Variants in SEMA3A observed in about 807,000 individuals in gnomAD.
SEMA3A encodes the protein semaphorin 3A.
Under a neutral mutation model 97.9 loss-of-function variants are expected in SEMA3A, and 29 were observed. The ratio of observed to expected loss-of-function variants is 0.30; its 90% CI spans 0.22 to 0.40. The LOEUF (loss-of-function observed/expected upper bound fraction) is 0.40, where lower values mean the gene tolerates loss of function less well. Among genes scored for constraint, SEMA3A ranks in the 10% least tolerant of loss-of-function variants. The pLI is 1.00. For synonymous variants in SEMA3A, 321 were observed against 323.7 expected (o/e 0.99, Z 0.09); for missense variants, 763 against 951.3 (o/e 0.80, Z 2.60).
chr7:84,180,930 G>T (rs2116235673), intron 1 of SEMA3A, among the ~76,000 whole-genome samples: 1 of 152,072 alleles, frequency 6.6e-6, no homozygotes, highest in South Asian at 2.1e-4. Flanking sequence ...TCATTATAAT[G>T]ATTCACTTAT....
intron 3 of SEMA3A, among the ~76,000 whole-genome samples, chr7:84,114,424 T>C (rs1024858224): frequency 6.6e-6 from 1 of 152,110 alleles, no homozygotes. Flanking sequence ...CATATAACAT[T>C]GACTCAGGTC....
At chr7:84,169,311 C>T (rs895931502) in intron 1 of SEMA3A, among the ~76,000 whole-genome samples, 1 of 150,978 alleles carries the variant, frequency 6.6e-6, no homozygotes, top group African/African-American at 2.4e-5. Flanking sequence ...GAGTGAAAGC[C>T]TAAGTTAAAA....
intron 1 of SEMA3A, among the ~76,000 whole-genome samples, chr7:84,164,986 T>C (rs2116179944): frequency 6.6e-6 from 1 of 152,222 alleles, no homozygotes; most frequent in Non-Finnish European, 1.5e-5. Flanking sequence ...AGTGGGTGGA[T>C]CCCTTGAGCT....
chr7:83,999,177 A>G (rs1270134041), intron 12 of SEMA3A, among the ~76,000 whole-genome samples: 2 of 152,170 alleles, frequency 1.3e-5, no homozygotes, highest in East Asian at 3.8e-4. Flanking sequence ...ATTCTTGTCC[A>G]TAATGTTGTT....
At chr7:84,420,995 T>C (rs1804574952) in intron 1 of SEMA3A, among the ~76,000 whole-genome samples, 1 of 152,104 alleles carries the variant, frequency 6.6e-6, no homozygotes, top group Non-Finnish European at 1.5e-5. Flanking sequence ...CTCCTTCAGT[T>C]CTGCTCTGAT....
chr7:84,390,376 G>A (rs1196744320), intron 1 of SEMA3A, among the ~76,000 whole-genome samples: 1 of 132,402 alleles, frequency 7.6e-6, no homozygotes, highest in Non-Finnish European at 1.6e-5. Context: ...ATAGCAGCTG[G>A]GAACCATTGC....
chr7:84,074,976 T>C (rs7805885), intron 4 of SEMA3A, among the ~76,000 whole-genome samples: 18,232 of 152,072 alleles, frequency 0.12, 1,181 homozygotes, highest in South Asian at 0.15. Flanking sequence ...TCATGTATAA[T>C]CTCTATGATT....
intron 1 of SEMA3A, among the ~76,000 whole-genome samples, chr7:84,442,102 T>C (rs1805287302): frequency 6.6e-6 from 1 of 152,148 alleles, no homozygotes; most frequent in African/African-American, 2.4e-5. Context: ...TTATAAAATA[T>C]AGTATTGTAG....
rs61298477 is a variant in SEMA3A, at chr7:84,445,493, C to CAAAAAAAAAA, written c.-246+46957_-246+46966dup. On this transcript the variant is annotated intron_variant, in intron 1 of 3. Transcript: ENST00000424555. The stretch of plus-strand genomic sequence containing the variant: ...TGGGCGACAGAGTGAGACTCCATCT[C>CAAAAAAAAAA]AAAAAAAAAAAAAAAAAAAAAAAAA... Among the ~76,000 whole-genome samples, 90 of 27,592 alleles carry CAAAAAAAAAA rather than the reference C, an allele frequency of 3.3e-3. 2 individuals carry two copies. Among genetic ancestry groups the CAAAAAAAAAA allele is most frequent in the Non-Finnish European group, 5.0e-3 (63 of 12,686 alleles). 18.1% of individuals were successfully genotyped at this position (27,592 alleles called of 152,430 possible). A position where few individuals can be genotyped will look rare whatever the true frequency, so the allele number is the denominator to read the frequency against.
chr7:84,183,342 T>C (rs556123893), intron 1 of SEMA3A, among the ~76,000 whole-genome samples: 7 of 152,270 alleles, frequency 4.6e-5, no homozygotes, highest in African/African-American at 1.7e-4. Context: ...GTATGAAAAC[T>C]CCATTAATTT....
At chr7:84,263,574 C>A (rs552197042) in intron 3 of SEMA3A, among the ~76,000 whole-genome samples, 6 of 152,308 alleles carry the variant, frequency 3.9e-5, no homozygotes, top group African/African-American at 1.4e-4. Flanking sequence ...ATACATAAAT[C>A]ATTCGCAACA....
chr7:84,127,511 TAA>T (rs1237790203), intron 3 of SEMA3A, among the ~76,000 whole-genome samples: 1 of 152,198 alleles, frequency 6.6e-6, no homozygotes, highest in African/African-American at 2.4e-5. Flanking sequence ...TACCCCTGAA[TAA>T]AGTCTGCCTT....
At position 84,086,463 on chromosome 7, in the gene SEMA3A, T is replaced by C. The variant is rs1018294479; in HGVS notation, c.453+24007A>G. On this transcript the variant is annotated intron_variant, in intron 4 of 16. Coordinates refer to ENST00000265362, the MANE Select transcript of SEMA3A (RefSeq NM_006080.3). ...TATTTTATATATTATTATATTCATA[T>C]ATAATATGTATTATTATATTATATT... Among the ~76,000 whole-genome samples, 36 of 92,174 alleles carry C rather than the reference T, an allele frequency of 3.9e-4. 1 individual carries two copies. Among genetic ancestry groups the C allele is most frequent in the Middle Eastern group, 5.7e-3 (1 of 174 alleles). The allele number at this position is 92,174 out of a possible 152,430, so 60.5% of individuals were successfully genotyped here. A position where few individuals can be genotyped will look rare whatever the true frequency, so the allele number is the denominator to read the frequency against.
At chr7:84,008,452 C>G (rs1790753247) in intron 9 of SEMA3A, among the ~76,000 whole-genome samples, 1 of 143,106 alleles carries the variant, frequency 7.0e-6, no homozygotes. Flanking sequence ...GATCGTGCCA[C>G]TGCACTCCAG....
intron 6 of SEMA3A, among the ~76,000 whole-genome samples, chr7:84,039,822 A>G (rs186694134): frequency 1.2e-3 from 183 of 152,226 alleles, no homozygotes; most frequent in African/African-American, 4.3e-3. Context: ...TTAATAAAAA[A>G]TTGCATCCAG....
intron 3 of SEMA3A, among the ~76,000 whole-genome samples, chr7:84,202,371 AAAT>A (rs776027419): frequency 6.6e-6 from 1 of 152,200 alleles, no homozygotes; most frequent in Non-Finnish European, 1.5e-5. Context: ...TAAAAATAAT[AAAT>A]AATAATCTGA....
chr7:84,089,616 T>C (rs1482417198), intron 4 of SEMA3A, among the ~76,000 whole-genome samples: 1 of 152,056 alleles, frequency 6.6e-6, no homozygotes, highest in East Asian at 1.9e-4. Flanking sequence ...TAATAAAAAA[T>C]ATAGTCATTC....
chr7:83,985,217 G>A (rs1789576621), intron 13 of SEMA3A, among the ~76,000 whole-genome samples: 1 of 151,972 alleles, frequency 6.6e-6, no homozygotes, highest in Admixed American at 6.6e-5. Context: ...ATAAAATAAT[G>A]TTTATAGAAC....
chr7:84,406,968 G>C (rs1348867147), intron 1 of SEMA3A, among the ~76,000 whole-genome samples: 1 of 152,168 alleles, frequency 6.6e-6, no homozygotes, highest in African/African-American at 2.4e-5. Flanking sequence ...AAAACTGGAA[G>C]CATTCCCTTG....
Sources: allele counts gnomAD v4.1 joint callset (sites outside exome capture counted in the v4.1 genomes callset), GRCh38; gene constraint gnomAD v4.1.1; transcripts MANE v1.5; gene names NCBI Gene and HGNC (gene_info 2026-07-23, HGNC 2026-07-21).